NALF1: variants seen among roughly 807,000 people sequenced by gnomAD.
NALF1 encodes NALCN channel auxiliary factor 1.
A neutral mutation model predicts 48.4 loss-of-function variants in NALF1; 3 were observed. That is an observed-to-expected ratio of 0.06 (90% CI 0.03 to 0.16). The LOEUF is 0.16. NALF1 is among the 10% of genes least tolerant of loss of function. The pLI is 1.00. For synonymous variants in NALF1, 262 were observed against 245.7 expected (o/e 1.07, Z -0.62); for missense variants, 526 against 571.5 (o/e 0.92, Z 0.81).
intron 1 of NALF1, among the ~76,000 whole-genome samples, chr13:107,548,794 A>G (rs1877207552): frequency 6.6e-6 from 1 of 152,038 alleles, no homozygotes; most frequent in African/African-American, 2.4e-5. Context: ...TTGTAGAGGA[A>G]TATCTAGCCA....
intron 1 of NALF1, among the ~76,000 whole-genome samples, chr13:107,409,108 C>A (rs1193082609): frequency 6.6e-6 from 1 of 152,106 alleles, no homozygotes; most frequent in African/African-American, 2.4e-5. Flanking sequence ...AATGACTAGG[C>A]CCCAAGTGGC....
intron 1 of NALF1, among the ~76,000 whole-genome samples, chr13:107,675,547 A>G (rs1881097477): frequency 6.6e-6 from 1 of 152,170 alleles, no homozygotes; most frequent in African/African-American, 2.4e-5. Flanking sequence ...ATCTTCAATC[A>G]TATTGAAGTC....
At chr13:107,202,819 A>G (rs2138796038) in intron 2 of NALF1, among the ~76,000 whole-genome samples, 1 of 152,274 alleles carries the variant, frequency 6.6e-6, no homozygotes, top group South Asian at 2.1e-4. Flanking sequence ...CAAGGAAACA[A>G]TGGCTTACAC....
intron 1 of NALF1, among the ~76,000 whole-genome samples, chr13:107,809,776 C>T (rs545865986): frequency 3.3e-5 from 5 of 152,194 alleles, no homozygotes; most frequent in Admixed American, 2.0e-4. Flanking sequence ...CACCCATACA[C>T]GTGTCTAAGA....
At chr13:107,352,828 T>G (rs948856169) in intron 1 of NALF1, among the ~76,000 whole-genome samples, 3 of 152,178 alleles carry the variant, frequency 2.0e-5, no homozygotes, top group Non-Finnish European at 2.9e-5. Flanking sequence ...TTCTTTGAGA[T>G]TTCCTTATTT....
At chr13:107,818,871 C>CAAAAAAAAAAAAAAAAAAAAAAAAAA (rs774372636) in intron 1 of NALF1, among the ~76,000 whole-genome samples, 3 of 73,816 alleles carry the variant, frequency 4.1e-5, no homozygotes, top group Admixed American at 1.5e-4. Context: ...GACTCCGTCT[C>CAAAAAAAAAAAAAAAAAAAAAAAAAA]AAAAAAAAAA....
chr13:107,579,203 T>A (rs1878233282), intron 1 of NALF1, among the ~76,000 whole-genome samples: 1 of 152,178 alleles, frequency 6.6e-6, no homozygotes, highest in African/African-American at 2.4e-5. Context: ...GTGATTCTCC[T>A]GCCTCAGCCT....
chr13:107,358,407 A>G (rs1422382147), intron 1 of NALF1, among the ~76,000 whole-genome samples: 1 of 152,186 alleles, frequency 6.6e-6, no homozygotes, highest in Non-Finnish European at 1.5e-5. Flanking sequence ...AACATTTAGC[A>G]GTGCATGATA....
intron 1 of NALF1, among the ~76,000 whole-genome samples, chr13:107,597,178 C>A (rs1878777764): frequency 6.6e-6 from 1 of 152,072 alleles, no homozygotes; most frequent in East Asian, 1.9e-4. Context: ...ATTTTTCAGT[C>A]AATCCTTGAA....
At chr13:107,734,782 A>G (rs1876418512) in intron 1 of NALF1, among the ~76,000 whole-genome samples, 2 of 152,164 alleles carry the variant, frequency 1.3e-5, no homozygotes, top group Admixed American at 6.5e-5. Flanking sequence ...AATAATGATG[A>G]TGATGATAAC....
chr13:107,221,965 T>C (rs1880003471), intron 1 of NALF1, among the ~76,000 whole-genome samples: 1 of 152,084 alleles, frequency 6.6e-6, no homozygotes. Context: ...TCAAAGAAAA[T>C]GCGGCTGTTT....
intron 1 of NALF1, among the ~76,000 whole-genome samples, chr13:107,842,512 G>C (rs1374271353): frequency 1.3e-5 from 2 of 151,232 alleles, no homozygotes; most frequent in African/African-American, 4.8e-5. Context: ...CAGTTTTTGT[G>C]GTAAAGTATC....
At chr13:107,571,073 G>A (rs1044017689) in intron 1 of NALF1, among the ~76,000 whole-genome samples, 12 of 152,116 alleles carry the variant, frequency 7.9e-5, no homozygotes, top group Non-Finnish European at 1.6e-4. Context: ...TCATGTATAA[G>A]ACAAGAAATA....
At chr13:107,713,246 G>C (rs919704580) in intron 1 of NALF1, among the ~76,000 whole-genome samples, 5 of 152,158 alleles carry the variant, frequency 3.3e-5, no homozygotes, top group Admixed American at 3.3e-4. Flanking sequence ...ATTATCCTCT[G>C]CAGGAAATGA....
intron 1 of NALF1, among the ~76,000 whole-genome samples, chr13:107,487,085 C>T (rs935083536): frequency 3.3e-5 from 5 of 152,158 alleles, no homozygotes; most frequent in African/African-American, 1.2e-4. Flanking sequence ...CAGATGACTC[C>T]CATCATTTGA....
At chr13:107,359,722 T>G (rs1430168606) in intron 1 of NALF1, among the ~76,000 whole-genome samples, 2 of 149,862 alleles carry the variant, frequency 1.3e-5, no homozygotes, top group Admixed American at 6.6e-5. Flanking sequence ...TTTTAATAAC[T>G]TTTTAAGTGG....
intron 1 of NALF1, among the ~76,000 whole-genome samples, chr13:107,317,311 T>G (rs527762167): frequency 1.3e-5 from 2 of 152,210 alleles, no homozygotes; most frequent in African/African-American, 4.8e-5. Flanking sequence ...ACACGTTTAA[T>G]AAACTATCAT....
intron 1 of NALF1, among the ~76,000 whole-genome samples, chr13:107,767,978 CCA>C (rs1224937043): frequency 6.6e-6 from 1 of 152,142 alleles, no homozygotes; most frequent in African/African-American, 2.4e-5. Flanking sequence ...GGCAGTCAAT[CCA>C]CAGATTCCTC....
At chr13:107,329,165 T>A (rs1882421103) in intron 1 of NALF1, among the ~76,000 whole-genome samples, 1 of 152,176 alleles carries the variant, frequency 6.6e-6, no homozygotes, top group Non-Finnish European at 1.5e-5. Context: ...TAACTATAAT[T>A]CCTTAACACA....
Sources: gnomAD v4.1 joint callset for allele counts (sites outside exome capture counted in the v4.1 genomes callset) on GRCh38, gnomAD v4.1.1 for gene constraint, MANE v1.5 for transcripts, NCBI Gene and HGNC (gene_info 2026-07-23, HGNC 2026-07-21) for gene names.